SLCO1A2: variants seen among roughly 807,000 people sequenced by gnomAD.
The protein encoded by SLCO1A2 is OATP-1.
SLCO1A2 carries 67 observed loss-of-function variants against 69.0 expected under a neutral mutation model. That is an observed-to-expected ratio of 0.97 (90% CI 0.80 to 1.19). SLCO1A2 has a LOEUF of 1.19. Ranked by LOEUF, SLCO1A2 falls within the 50% of genes most tolerant of loss-of-function variation. SLCO1A2 has a pLI of 0.00. For synonymous variants in SLCO1A2, 260 were observed against 265.9 expected, an observed-to-expected ratio of 0.98 and a Z score of 0.22; for missense variants, 787 against 793.7, an observed-to-expected ratio of 0.99 and a Z score of 0.10.
At chr12:21,360,445 C>T (rs1400384082) in intron 2 of SLCO1A2, among the ~76,000 whole-genome samples, 1 of 152,162 alleles carries the variant, frequency 6.6e-6, no homozygotes, top group African/African-American at 2.4e-5. Context: ...ACCAAGATGG[C>T]CGAATAGGAA....
intron 2 of SLCO1A2, among the ~76,000 whole-genome samples, chr12:21,366,874 A>G (rs1395053358): frequency 1.3e-5 from 2 of 152,046 alleles, no homozygotes; most frequent in African/African-American, 2.4e-5. Flanking sequence ...ATATATATAA[A>G]CACAAGATTA....
At chr12:21,378,572 T>A in intron 1 of SLCO1A2, 1 of 664,246 alleles carries the variant, frequency 1.5e-6, no homozygotes. Flanking sequence ...AAAGATTGTT[T>A]TATATGTAGT....
At chr12:21,358,527 AT>A (rs545389703) in intron 2 of SLCO1A2, among the ~76,000 whole-genome samples, 92 of 152,238 alleles carry the variant, frequency 6.0e-4, no homozygotes, top group African/African-American at 2.1e-3. Flanking sequence ...GTATTATAAT[AT>A]TTTTGTTTTA....
In SLCO1A2 at chr12:21,405,078, CT is replaced by C. The variant is rs3060710; in HGVS notation, c.-312+12803del. Reference sequence around the variant, plus strand: ...ATGTCCTTGGGTCACTTTTTAATGGCTTTTTTTTTTTTGTAAATTTAAGTTC... The same window carrying C: ...ATGTCCTTGGGTCACTTTTTAATGGCTTTTTTTTTTTGTAAATTTAAGTTC... On this transcript the variant is annotated intron_variant, in intron 1 of 4. Coordinates refer to the SLCO1A2 transcript ENST00000413682. Among the ~76,000 whole-genome samples the C allele has an allele frequency of 3.6e-3, 526 of 144,120 alleles. 3 individuals are homozygous for C. The highest frequency in any genetic ancestry group is 0.011 in the African/African-American group (447 of 39,578). 94.5% of individuals were successfully genotyped at this position (144,120 alleles called of 152,430 possible). A position where few individuals can be genotyped will look rare whatever the true frequency, so the allele number is the denominator to read the frequency against.
chr12:21,272,567 A>G (rs1943069515), intron 14 of SLCO1A2, among the ~76,000 whole-genome samples: 1 of 151,854 alleles, frequency 6.6e-6, no homozygotes, highest in African/African-American at 2.4e-5. Context: ...ACTTACTTAT[A>G]TTTTGTTGAA....
At chr12:21,363,567 G>A (rs1269115781) in intron 2 of SLCO1A2, among the ~76,000 whole-genome samples, 1 of 152,112 alleles carries the variant, frequency 6.6e-6, no homozygotes, top group Admixed American at 6.5e-5. Flanking sequence ...GAAGTAGATA[G>A]AGACACAAAA....
chr12:21,302,748 G>A (rs1235056824), intron 6 of SLCO1A2, among the ~76,000 whole-genome samples: 2 of 150,386 alleles, frequency 1.3e-5, no homozygotes, highest in East Asian at 2.0e-4. Context: ...GTAGAGATGG[G>A]GTTTTATCAT....
intron 2 of SLCO1A2, among the ~76,000 whole-genome samples, chr12:21,343,428 A>G (rs1174193012): frequency 6.6e-6 from 1 of 152,090 alleles, no homozygotes; most frequent in East Asian, 1.9e-4. Flanking sequence ...CTTCATGTAC[A>G]AAATTGGCCC....
intron 4 of SLCO1A2, among the ~76,000 whole-genome samples, chr12:21,308,468 C>G (rs1329620097): frequency 1.3e-5 from 2 of 152,120 alleles, no homozygotes; most frequent in African/African-American, 4.8e-5. Context: ...AATAAGAGTG[C>G]AAACATTTTG....
At chr12:21,280,629 A>T (rs934787909) in intron 12 of SLCO1A2, among the ~76,000 whole-genome samples, 1 of 151,746 alleles carries the variant, frequency 6.6e-6, no homozygotes, top group Non-Finnish European at 1.5e-5. Context: ...ATACAATAAT[A>T]GCTGAAGAAT....
At chr12:21,360,622 A>G (rs1056547201) in intron 2 of SLCO1A2, among the ~76,000 whole-genome samples, 1 of 152,150 alleles carries the variant, frequency 6.6e-6, no homozygotes, top group Non-Finnish European at 1.5e-5. Flanking sequence ...GGGGTGGGGG[A>G]ATTCCCTTTC....
At chr12:21,322,634 C>A (rs555500708) in intron 2 of SLCO1A2, among the ~76,000 whole-genome samples, 1 of 152,246 alleles carries the variant, frequency 6.6e-6, no homozygotes, top group East Asian at 1.9e-4. Context: ...AGGTAGCAGG[C>A]TTCAGAAACA....
chr12:21,381,653 G>A (rs111327651), intron 1 of SLCO1A2, among the ~76,000 whole-genome samples: 6 of 152,150 alleles, frequency 3.9e-5, no homozygotes, highest in South Asian at 4.2e-4. Flanking sequence ...AAAATTAGCC[G>A]GGCATGGTGG....
At chr12:21,368,192 A>G (rs1939528575) in intron 2 of SLCO1A2, among the ~76,000 whole-genome samples, 1 of 152,130 alleles carries the variant, frequency 6.6e-6, no homozygotes, top group South Asian at 2.1e-4. Context: ...ATCACGTGAG[A>G]CATATTCTTA....
intron 12 of SLCO1A2, among the ~76,000 whole-genome samples, chr12:21,288,495 G>C (rs991106304): frequency 1.3e-5 from 2 of 152,012 alleles, no homozygotes; most frequent in Non-Finnish European, 2.9e-5. Context: ...AGAGCAGAAG[G>C]GTTGTTACCA....
chr12:21,345,579 A>G (rs1229792819), intron 2 of SLCO1A2, among the ~76,000 whole-genome samples: 3 of 152,152 alleles, frequency 2.0e-5, no homozygotes, highest in Non-Finnish European at 4.4e-5. Flanking sequence ...TTGATTTTAA[A>G]TTGGTTTTTA....
intron 2 of SLCO1A2, chr12:21,372,890 T>A (rs1272756364): frequency 1.0e-5 from 2 of 197,572 alleles, no homozygotes; most frequent in African/African-American, 4.8e-5. Context: ...GCTGGATTAC[T>A]AGTTAGCAAA....
chr12:21,378,520 T>G (rs1434689384), intron 1 of SLCO1A2: 15 of 1,029,834 alleles, frequency 1.5e-5, no homozygotes, highest in Non-Finnish European at 2.3e-5. Flanking sequence ...GAATATATGG[T>G]CTGTGTGTCT....
chr12:21,289,160 A>G (rs908580694), intron 12 of SLCO1A2, among the ~76,000 whole-genome samples: 1 of 148,984 alleles, frequency 6.7e-6, no homozygotes, highest in Non-Finnish European at 1.5e-5. Flanking sequence ...TATATTGTAC[A>G]TTTGTGATGG....
Sources: gnomAD v4.1 joint callset for allele counts (sites outside exome capture counted in the v4.1 genomes callset) on GRCh38, gnomAD v4.1.1 for gene constraint, MANE v1.5 for transcripts, NCBI Gene and HGNC (gene_info 2026-07-23, HGNC 2026-07-21) for gene names.